Variants in ASIC2 observed in about 807,000 individuals in gnomAD.
ASIC2 encodes acid sensing ion channel subunit 2.
In ASIC2, 25 loss-of-function variants were observed where a neutral mutation model predicts 57.3. That is an observed-to-expected ratio of 0.44 (90% CI 0.32 to 0.61). ASIC2 has a LOEUF of 0.61. ASIC2 is among the 20% of genes least tolerant of loss of function. The probability of loss-of-function intolerance (pLI) is 0.06; values close to 1 mark genes in which losing one functional copy is unlikely to be tolerated. For synonymous variants in ASIC2, 319 were observed against 307.5 expected (o/e 1.04, Z -0.39); for missense variants, 641 against 738.1 (o/e 0.87, Z 1.52).
chr17:33,726,910 A>T (rs1909579638), intron 1 of ASIC2, among the ~76,000 whole-genome samples: 1 of 152,246 alleles, frequency 6.6e-6, no homozygotes, highest in Non-Finnish European at 1.5e-5. Flanking sequence ...CCTCAAATGT[A>T]CCAAAAATTT....
intron 1 of ASIC2, among the ~76,000 whole-genome samples, chr17:33,448,843 C>T (rs1123024): frequency 0.73 from 111,479 of 152,140 alleles, 41,449 homozygotes; most frequent in Non-Finnish European, 0.79. Flanking sequence ...GCAGAATGGA[C>T]TAGGTGTGCG....
At position 34,005,981 on chromosome 17, in the gene ASIC2, C is replaced by T. The variant is rs142430754; in HGVS notation, c.555+149997G>A. The stretch of plus-strand genomic sequence containing the variant: ...GTATGCCATGCACTGTGTTAGGCAC[C>T]GGATCCATTGGGGTGAATAAACAAT... On this transcript the variant is annotated intron_variant, in intron 1 of 9. Transcript: ENST00000359872. 4.6e-5 allele frequency: 7 copies of T among 152,306 alleles called. No homozygotes were observed. The East Asian group carries it at 1.3e-3, about 29-fold the overall frequency. 9.4% of individuals were successfully genotyped at this position (152,306 alleles called of 1,614,324 possible).
chr17:33,064,915 G>A (rs2092036770), intron 3 of ASIC2, among the ~76,000 whole-genome samples: 1 of 152,152 alleles, frequency 6.6e-6, no homozygotes, highest in Non-Finnish European at 1.5e-5. Context: ...TTCTGAAATG[G>A]AAAGATGATA....
At chr17:33,729,044 C>T (rs1302854474) in intron 1 of ASIC2, among the ~76,000 whole-genome samples, 1 of 152,136 alleles carries the variant, frequency 6.6e-6, no homozygotes, top group Non-Finnish European at 1.5e-5. Flanking sequence ...AAAGGAAAAT[C>T]ACCTGCATTA....
chr17:33,054,762 G>A (rs1567728309), intron 3 of ASIC2, among the ~76,000 whole-genome samples: 1 of 152,200 alleles, frequency 6.6e-6, no homozygotes, highest in Non-Finnish European at 1.5e-5. Flanking sequence ...AAAAACTGGG[G>A]TAAGATGTCC....
intron 3 of ASIC2, among the ~76,000 whole-genome samples, chr17:33,059,167 A>T (rs533098937): frequency 2.0e-4 from 31 of 152,032 alleles, no homozygotes; most frequent in African/African-American, 3.6e-4. Flanking sequence ...ATATATATAT[A>T]TTTTATTATA....
intron 1 of ASIC2, among the ~76,000 whole-genome samples, chr17:33,778,818 A>C (rs1326544729): frequency 6.6e-6 from 1 of 152,144 alleles, no homozygotes; most frequent in African/African-American, 2.4e-5. Flanking sequence ...GATACTCATG[A>C]AGTATTAGTC....
At position 33,219,601 on chromosome 17, in the gene ASIC2, T is replaced by C. The variant is rs548880676; in HGVS notation, c.708+71807A>G. ...TGAGTTCTTCTGCCTTTAAAGCCCG[T>C]AGTCTTAAGCCCCTGCATTTCCCAA... On this transcript the variant is annotated intron_variant, in intron 1 of 9. Transcript: ENST00000225823. 2.0e-5 allele frequency among the ~76,000 whole-genome samples: 3 copies of C among 152,282 alleles called. No homozygotes were observed. In the East Asian group the frequency reaches 5.8e-4, roughly 29 times the overall value.
intron 1 of ASIC2, among the ~76,000 whole-genome samples, chr17:33,284,164 G>C (rs1374913397): frequency 1.3e-5 from 2 of 152,174 alleles, no homozygotes; most frequent in Non-Finnish European, 2.9e-5. Flanking sequence ...GGAGATATTT[G>C]ACATGCTCAG....
intron 2 of ASIC2, 81 bp from the exon 3 acceptor site, chr17:33,089,071 G>A (rs1879266940): frequency 6.4e-7 from 1 of 1,567,538 alleles, no homozygotes; most frequent in Non-Finnish European, 8.7e-7. Flanking sequence ...AGCTCAAAGG[G>A]ATGCTGAAAA....
At chr17:33,895,888 T>A (rs1303540117) in intron 1 of ASIC2, among the ~76,000 whole-genome samples, 2 of 152,216 alleles carry the variant, frequency 1.3e-5, no homozygotes, top group Non-Finnish European at 2.9e-5. Context: ...ATTCACCACT[T>A]ACGGGGTGCA....
At chr17:33,347,089 T>A (rs751870585) in intron 1 of ASIC2, among the ~76,000 whole-genome samples, 1 of 151,890 alleles carries the variant, frequency 6.6e-6, no homozygotes, top group Admixed American at 6.6e-5. Flanking sequence ...AAAGGAGGAA[T>A]GGACGGTGAG....
chr17:34,023,649 G>A (rs890653936), intron 1 of ASIC2, among the ~76,000 whole-genome samples: 1 of 152,100 alleles, frequency 6.6e-6, no homozygotes, highest in African/African-American at 2.4e-5. Flanking sequence ...ACCATGTGAG[G>A]ACCTCCGGAG....
At chr17:33,132,157 G>A (rs1157248547) in intron 1 of ASIC2, among the ~76,000 whole-genome samples, 1 of 152,102 alleles carries the variant, frequency 6.6e-6, no homozygotes, top group East Asian at 1.9e-4. Flanking sequence ...CACCTATTCA[G>A]GTTTTCATTC....
At chr17:33,682,465 C>T (rs1047773994) in intron 1 of ASIC2, among the ~76,000 whole-genome samples, 25 of 152,170 alleles carry the variant, frequency 1.6e-4, no homozygotes, top group Middle Eastern at 3.4e-3. Flanking sequence ...GACCTGCGTG[C>T]GGCCTCTAGA....
chr17:33,531,582 A>G (rs1430703131), intron 1 of ASIC2, among the ~76,000 whole-genome samples: 1 of 152,176 alleles, frequency 6.6e-6, no homozygotes, highest in African/African-American at 2.4e-5. Context: ...GTCACTGCTA[A>G]AAATTCTGCA....
At chr17:33,855,448 T>C (rs1356445362) in intron 1 of ASIC2, among the ~76,000 whole-genome samples, 1 of 152,202 alleles carries the variant, frequency 6.6e-6, no homozygotes, top group Non-Finnish European at 1.5e-5. Flanking sequence ...ATAAACCCCA[T>C]ATGGTTGTTT....
At chr17:33,579,732 G>C (rs780737863) in intron 1 of ASIC2, among the ~76,000 whole-genome samples, 2 of 152,128 alleles carry the variant, frequency 1.3e-5, no homozygotes, top group Non-Finnish European at 2.9e-5. Context: ...AAAGTAGTGC[G>C]GACCCAAACA....
At chr17:33,833,617 C>T (rs192855361) in intron 1 of ASIC2, among the ~76,000 whole-genome samples, 23 of 152,064 alleles carry the variant, frequency 1.5e-4, no homozygotes, top group South Asian at 6.2e-4. Flanking sequence ...TCAAATGTCA[C>T]GGTAATGGTC....
Sources: gnomAD v4.1 joint callset for allele counts (sites outside exome capture counted in the v4.1 genomes callset) on GRCh38, gnomAD v4.1.1 for gene constraint, MANE v1.5 for transcripts, NCBI Gene and HGNC (gene_info 2026-07-23, HGNC 2026-07-21) for gene names.